SMAD4: variants seen among roughly 807,000 people sequenced by gnomAD.
SMAD4 encodes the protein MAD homolog 4.
SMAD4 carries 7 observed loss-of-function variants against 63.2 expected under a neutral mutation model. That is an observed-to-expected ratio of 0.11 (90% CI 0.06 to 0.21). The LOEUF (loss-of-function observed/expected upper bound fraction) is 0.21. Among genes scored for constraint, SMAD4 ranks in the 10% least tolerant of loss-of-function variants. SMAD4 has a pLI of 1.00. For synonymous variants in SMAD4, 215 were observed against 235.4 expected (o/e 0.91, Z 0.79); for missense variants, 312 against 693.8 (o/e 0.45, Z 6.18).
chr18:51,035,370 C>T (rs1909174438), intron 1 of SMAD4, among the ~76,000 whole-genome samples: 1 of 152,058 alleles, frequency 6.6e-6, no homozygotes, highest in Admixed American at 6.6e-5. Flanking sequence ...TTTAAGTCCC[C>T]AAGTTAGCAT....
chr18:51,055,707 A>AT lies in SMAD4; in HGVS notation c.667+726dup, dbSNP rs1264925914. 2.9e-3 allele frequency among the ~76,000 whole-genome samples: 378 copies of AT among 131,544 alleles called. 1 individual carries two copies. Among genetic ancestry groups the AT allele is most frequent in the African/African-American group, 4.8e-3 (171 of 35,762 alleles). 86.3% of individuals were successfully genotyped at this position (131,544 alleles called of 152,430 possible). ...TGGCAAATGAAGTAGCTTTTTTTTC[A>AT]TTTTTTTTTTTTCAATTAATCATAG... On this transcript the variant is annotated intron_variant, in intron 5 of 11. Transcript: ENST00000342988.
Position 51,081,553 on chromosome 18 carries a change from ACAGTGCAGATT to A in SMAD4, c.*3087_*3097del. On this transcript the variant is annotated 3_prime_UTR_variant, in exon 12 of 12. Transcript: ENST00000342988. ...GTTGCCTATACCATTCCTCCTGTGAACAGTGCAGATTTACAGGTTGCATGGTCTGGCTTAAG... is the reference window on the plus strand; with the variant it reads ...GTTGCCTATACCATTCCTCCTGTGAATACAGGTTGCATGGTCTGGCTTAAG... 1 of 232,286 alleles carries A rather than the reference ACAGTGCAGATT, an allele frequency of 4.3e-6. No individual in the cohort carries two copies. The highest frequency in any genetic ancestry group is 2.2e-5 in the African/African-American group (1 of 45,408). 14.4% of individuals were successfully genotyped at this position (232,286 alleles called of 1,614,324 possible).
intron 1 of SMAD4, among the ~76,000 whole-genome samples, chr18:51,041,918 G>T (rs1909395619): frequency 6.6e-6 from 1 of 152,152 alleles, no homozygotes; most frequent in African/African-American, 2.4e-5. Flanking sequence ...CAAGACCTAG[G>T]TTACCTATGA....
rs1171744400 is a variant in SMAD4 at position 51,082,886 on chromosome 18, A to G, written c.*4419A>G. Reference sequence around the variant, plus strand: ...CCTAGGCAAGGAAACCAGATAACCAAACTTACTAGAACGTTCTTTAAAACA... The same window carrying G: ...CCTAGGCAAGGAAACCAGATAACCAGACTTACTAGAACGTTCTTTAAAACA... On this transcript the variant is annotated 3_prime_UTR_variant, in exon 12 of 12. Transcript: ENST00000342988. 1 of 227,030 alleles carries G rather than the reference A, an allele frequency of 4.4e-6. No homozygotes were observed. The highest frequency in any genetic ancestry group is 8.8e-6 in the Non-Finnish European group (1 of 114,124). The allele number at this position is 227,030 out of a possible 1,614,324, so 14.1% of individuals were successfully genotyped here. A position where few individuals can be genotyped will look rare whatever the true frequency, so the allele number is the denominator to read the frequency against.
At chr18:51,055,809 G>C (rs1260357505) in intron 5 of SMAD4, among the ~76,000 whole-genome samples, 1 of 151,852 alleles carries the variant, frequency 6.6e-6, no homozygotes, top group Non-Finnish European at 1.5e-5. Context: ...CATCAGAATA[G>C]ATTTTTGACA....
Position 51,062,703 on chromosome 18 carries a change from T to A in SMAD4, c.956-2720T>A, listed in dbSNP as rs534954046. Among the ~76,000 whole-genome samples the A allele has an allele frequency of 1.9e-4, 29 of 151,138 alleles. No individual in the cohort carries two copies. The South Asian group carries it at 5.4e-3, about 28-fold the overall frequency. On this transcript the variant is annotated intron_variant, in intron 8 of 11. Transcript: ENST00000342988. ...TAGTAGAGATAGGGTTTCACCATGTTATCCAGGCTGGTCTTGAACTCTTGG... is the reference window on the plus strand; with the variant it reads ...TAGTAGAGATAGGGTTTCACCATGTAATCCAGGCTGGTCTTGAACTCTTGG...
chr18:51,038,000 T>A (rs1211385845), intron 1 of SMAD4, among the ~76,000 whole-genome samples: 3 of 152,034 alleles, frequency 2.0e-5, no homozygotes, highest in Non-Finnish European at 4.4e-5. Context: ...TTAAAAAAAA[T>A]ATGTTGGGCT....
chr18:51,082,825 TTTC>T lies in SMAD4; in HGVS notation c.*4366_*4368del, dbSNP rs1158167271. On this transcript the variant is annotated 3_prime_UTR_variant, in exon 12 of 12. Transcript: ENST00000342988. Reference sequence around the variant, plus strand: ...GTGTTAGTGTGCCTCCTTTTAGCATTTTCTTCTTCTCTTTCTGATTCTTCATTT... The same window carrying T: ...GTGTTAGTGTGCCTCCTTTTAGCATTTTCTTCTCTTTCTGATTCTTCATTT... 1.7e-5 allele frequency: 4 copies of T among 229,092 alleles called. No individual in the cohort carries two copies. Among genetic ancestry groups the T allele is most frequent in the African/African-American group, 6.6e-5 (3 of 45,238 alleles). 14.2% of individuals were successfully genotyped at this position (229,092 alleles called of 1,614,324 possible). A position where few individuals can be genotyped will look rare whatever the true frequency, so the allele number is the denominator to read the frequency against.
intron 8 of SMAD4, among the ~76,000 whole-genome samples, chr18:51,062,164 T>C (rs1296192366): frequency 2.6e-5 from 4 of 152,252 alleles, no homozygotes; most frequent in African/African-American, 9.6e-5. Flanking sequence ...ATATTTATTA[T>C]CTTCTGTAAC....
rs574733675 is a variant in SMAD4, at chr18:51,055,466, CATTA to C, written c.667+479_667+482del. Among the ~76,000 whole-genome samples the C allele has an allele frequency of 2.9e-3, 443 of 151,788 alleles. 3 individuals are homozygous for C. Among genetic ancestry groups the C allele is most frequent in the African/African-American group, 7.3e-3 (302 of 41,368 alleles). On this transcript the variant is annotated intron_variant, in intron 5 of 11. Coordinates refer to ENST00000342988, the MANE Select transcript of SMAD4 (RefSeq NM_005359.6). The stretch of plus-strand genomic sequence containing the variant: ...TTTGTTATATATTGCTCAAGATAGA[CATTA>C]ATTAAGTCAATTTTGATATAAGCTA...
At chr18:51,047,370 A>G (rs1367760867) in intron 2 of SMAD4, 75 bp downstream of exon 2, 1 of 1,318,530 alleles carries the variant, frequency 7.6e-7, no homozygotes, top group South Asian at 1.2e-5. Context: ...CTTTCAAGCT[A>G]CTACAGGGTA....
At chr18:51,061,992 G>A (rs1910026563) in intron 8 of SMAD4, among the ~76,000 whole-genome samples, 1 of 152,090 alleles carries the variant, frequency 6.6e-6, no homozygotes. Flanking sequence ...AGATCAAAAG[G>A]CCATATTACA....
intron 8 of SMAD4, among the ~76,000 whole-genome samples, chr18:51,063,602 G>A (rs1347398187): frequency 2.0e-5 from 3 of 151,876 alleles, no homozygotes; most frequent in Non-Finnish European, 4.4e-5. Context: ...TCGTAGAGAC[G>A]CGGTTTCACC....
At position 51,040,608 on chromosome 18, in the gene SMAD4, A is replaced by C. The variant is rs139172019; in HGVS notation, c.-127-6312A>C. Among the ~76,000 whole-genome samples the C allele has an allele frequency of 5.5e-3, 840 of 152,336 alleles. 5 individuals carry two copies. The highest frequency in any genetic ancestry group is 8.9e-3 in the Non-Finnish European group (604 of 68,034). On this transcript the variant is annotated intron_variant, in intron 1 of 11. Transcript: ENST00000342988. ...CTCCTTACCTAAAATACATGAATTT[A>C]CATGAGAACCTCTCTCTGGCCAGTA...
intron 11 of SMAD4, chr18:51,077,085 G>A (rs1400479437): frequency 5.1e-6 from 1 of 197,896 alleles, no homozygotes; most frequent in Non-Finnish European, 1.0e-5. Flanking sequence ...ACCAGCCAGG[G>A]TGGGTTGTAA....
intron 8 of SMAD4, among the ~76,000 whole-genome samples, chr18:51,062,345 C>G (rs2144439329): frequency 1.3e-5 from 2 of 152,210 alleles, no homozygotes; most frequent in Non-Finnish European, 2.9e-5. Context: ...GTAACCACTA[C>G]ACAGATTGAG....
At chr18:51,066,850 T>A (rs925515411) in intron 9 of SMAD4, 169 bp from the exon 10 acceptor site, 2 of 604,784 alleles carry the variant, frequency 3.3e-6, no homozygotes, top group South Asian at 2.0e-5. Flanking sequence ...TTATTAGATA[T>A]GAACAGGAAA....
chr18:51,082,212 T>A lies in SMAD4; in HGVS notation c.*3745T>A, dbSNP rs930566802. ...TAGGTGGGGTACACTCAGCTTAAAG[T>A]AATGCATTTTTTTTTCCCGTAAAGG... On this transcript the variant is annotated 3_prime_UTR_variant, in exon 12 of 12. Transcript: ENST00000342988. The A allele has an allele frequency of 8.7e-6, 2 of 229,888 alleles. No individual in the cohort carries two copies. Among genetic ancestry groups the A allele is most frequent in the Non-Finnish European group, 1.7e-5 (2 of 116,132 alleles). 14.2% of individuals were successfully genotyped at this position (229,888 alleles called of 1,614,324 possible).
At position 51,067,127 on chromosome 18, in the gene SMAD4, A is replaced by G. The variant is rs786202472; in HGVS notation, c.1248A>G (p.Arg416=). The G allele has an allele frequency of 6.2e-7, 1 of 1,611,146 alleles. No individual in the cohort carries two copies. The change falls in exon 10 of 12, where the codon AGA becomes AGG. Residue 416 remains arginine (R), a synonymous_variant. Coordinates refer to ENST00000342988, the MANE Select transcript of SMAD4 (RefSeq NM_005359.6). ...AVFVQSYYLD[R]EAGRAPGDAV... ...TTGTACAGAGTTACTACTTAGACAG[A>G]GAAGCTGGGCGTGCACCTGGAGATG...
Sources: allele counts gnomAD v4.1 joint callset (sites outside exome capture counted in the v4.1 genomes callset), GRCh38; gene constraint gnomAD v4.1.1; transcripts MANE v1.5; gene names NCBI Gene and HGNC (gene_info 2026-07-23, HGNC 2026-07-21).